Variants in HMX2 observed in about 807,000 individuals in gnomAD.
The protein encoded by HMX2 is homeobox protein HMX2.
A neutral mutation model predicts 21.2 loss-of-function variants in HMX2; 15 were observed. The observed-to-expected ratio is 0.71, with a 90% CI of 0.47 to 1.09. HMX2 has a LOEUF of 1.09. HMX2 is among the 50% of genes least tolerant of loss of function. The pLI is 0.00. For synonymous variants in HMX2, 193 were observed against 181.0 expected (o/e 1.07, Z -0.53); for missense variants, 440 against 381.5 (o/e 1.15, Z -1.28).
rs1844231749 is a variant in HMX2 at position 123,148,750 on chromosome 10, C to A, written c.268+104C>A. 5 of 1,428,486 alleles carry A rather than the reference C, an allele frequency of 3.5e-6. No homozygotes were observed. In the South Asian group the frequency reaches 4.2e-5, roughly 12 times the overall value. 88.5% of individuals were successfully genotyped at this position (1,428,486 alleles called of 1,614,324 possible). ...GCCGGGCCCCCTCTGGCCAGAGCTG[C>A]GGCAGCCGGGGGTTCGGGACCGCGG... On this transcript the variant is annotated intron_variant, in intron 1 of 1. Coordinates refer to ENST00000339992, the MANE Select transcript of HMX2 (RefSeq NM_005519.2).
Position 123,148,314 on chromosome 10 carries a change from C to T in HMX2, c.-65C>T, listed in dbSNP as rs1589683343. 8.9e-6 allele frequency: 14 copies of T among 1,571,150 alleles called. No homozygotes were observed. The highest frequency in any genetic ancestry group is 1.2e-5 in the Non-Finnish European group (14 of 1,147,946). On this transcript the variant is annotated 5_prime_UTR_variant, in exon 1 of 2. Coordinates refer to ENST00000339992, the MANE Select transcript of HMX2 (RefSeq NM_005519.2). ...TGCCTGCCTGCTGCACCACCTTCCACCCAGATCACCCAGATCGTCTCTAAA... is the reference window on the plus strand; with the variant it reads ...TGCCTGCCTGCTGCACCACCTTCCATCCAGATCACCCAGATCGTCTCTAAA...
Position 123,148,618 on chromosome 10 carries a change from C to T in HMX2, c.240C>T (p.His80=), listed in dbSNP as rs1296830848. The T allele has an allele frequency of 6.2e-7, 1 of 1,610,726 alleles. No homozygotes were observed. The highest frequency in any genetic ancestry group is 8.5e-7 in the Non-Finnish European group (1 of 1,178,810). The change falls in exon 1 of 2, where the codon CAC becomes CAT. Residue 80 remains histidine, a synonymous_variant. Coordinates refer to ENST00000339992, the MANE Select transcript of HMX2 (RefSeq NM_005519.2). ...QHGPKEQGPK[H]HPPIPFPCLG... is the part of the protein sequence containing the mutation. Reference sequence around the variant, plus strand: ...GCCCTAAGGAGCAGGGCCCCAAGCACCATCCCCCCATCCCTTTTCCTTGCC... The same window carrying T: ...GCCCTAAGGAGCAGGGCCCCAAGCATCATCCCCCCATCCCTTTTCCTTGCC...
At position 123,148,662 on chromosome 10, in the gene HMX2, C is replaced by T. The variant is rs777744764; in HGVS notation, c.268+16C>T. On this transcript the variant is annotated intron_variant, in intron 1 of 1. Coordinates refer to ENST00000339992, the MANE Select transcript of HMX2 (RefSeq NM_005519.2). ...CCTTGCCTGGGTAAGGATCGCACGT[C>T]GCCAGTGTGGCAGCGAGCGAGCGCG... The T allele has an allele frequency of 1.3e-6, 2 of 1,599,936 alleles. No homozygotes were observed. Among genetic ancestry groups the T allele is most frequent in the Admixed American group, 1.8e-5 (1 of 56,790 alleles).
chr10:123,150,390 G>C lies in HMX2; in HGVS notation c.*267G>C, dbSNP rs1311513097. 3.1e-6 allele frequency: 1 copy of C among 321,272 alleles called. No homozygotes were observed. The highest frequency in any genetic ancestry group is 5.7e-6 in the Non-Finnish European group (1 of 176,524). The allele number at this position is 321,272 out of a possible 1,614,324, so 19.9% of individuals were successfully genotyped here. ...AAACCATTCGGAGTGAGATGTTCTC[G>C]GGTGGTGGTGGGAAAGGGAGTTTTG... On this transcript the variant is annotated 3_prime_UTR_variant, in exon 2 of 2. Coordinates refer to ENST00000339992, the MANE Select transcript of HMX2 (RefSeq NM_005519.2). This position sits in a 1 kb window ranked among gnomAD's most constrained non-coding sequence, Gnocchi z 4.2.
chr10:123,149,581 G>C lies in HMX2; in HGVS notation c.280G>C (p.Gly94Arg). The change falls in exon 2 of 2, where the codon GGC (glycine) becomes CGC (arginine). Residue 94 changes from glycine to arginine, a missense_variant. Transcript: ENST00000339992. The surrounding 1 kb of genome is among the most constrained non-coding windows in gnomAD (Gnocchi z 5.4). ...IPFPCLGTPK[G>R]SGGSGPGGLE... ...TTCTCGCTCCTCAGGTACCCCCAAG[G>C]GCAGCGGAGGCTCGGGCCCGGGCGG... The C allele has an allele frequency of 6.9e-7, 1 of 1,454,948 alleles. No individual in the cohort carries two copies. 90.1% of individuals were successfully genotyped at this position (1,454,948 alleles called of 1,614,324 possible). A position where few individuals can be genotyped will look rare whatever the true frequency, so the allele number is the denominator to read the frequency against.
At position 123,149,900 on chromosome 10, in the gene HMX2, G is replaced by T. The variant is rs1392622657; in HGVS notation, c.599G>T (p.Arg200Leu). The change falls in exon 2 of 2, where the codon CGC becomes CTC. Residue 200 changes from arginine to leucine, a missense_variant. Physicochemically the swap from Arg to Leu is moderately radical, Grantham distance 102 (BLOSUM62 -2). Coordinates refer to ENST00000339992, the MANE Select transcript of HMX2 (RefSeq NM_005519.2). The surrounding 1 kb of genome is among the most constrained non-coding windows in gnomAD (Gnocchi z 5.4). ...ETQVKTWFQN[R>L]RNKWKRQLSA... is the part of the protein sequence containing the mutation. ...CAGGTAAAGACTTGGTTCCAGAACC[G>T]CCGCAACAAGTGGAAGCGGCAGCTC... 1.9e-6 allele frequency: 3 copies of T among 1,612,816 alleles called. No homozygotes were observed. In the Admixed American group the frequency reaches 5.0e-5, roughly 27 times the overall value.
At position 123,149,321 on chromosome 10, in the gene HMX2, G is replaced by A. The variant is rs1362324292; in HGVS notation, c.269-249G>A. ...CCCCTCCAGACCTCCTCTCCCTGTT[G>A]CCCCTGGCCCATTCATAAAGGTGGG... On this transcript the variant is annotated intron_variant, in intron 1 of 1. Transcript: ENST00000339992. The surrounding 1 kb of genome is among the most constrained non-coding windows in gnomAD (Gnocchi z 5.4). Among the ~76,000 whole-genome samples the A allele has an allele frequency of 6.6e-6, 1 of 152,134 alleles. No individual in the cohort carries two copies. The highest frequency in any genetic ancestry group is 6.5e-5 in the Admixed American group (1 of 15,282).
rs749145470 is a variant in HMX2 at position 123,148,587 on chromosome 10, A to G, written c.209A>G (p.Gln70Arg). ...GCGCCCGCCTGCTTCTGCCCAGACCAGCACGGCCCTAAGGAGCAGGGCCCC... is the reference window on the plus strand; with the variant it reads ...GCGCCCGCCTGCTTCTGCCCAGACCGGCACGGCCCTAAGGAGCAGGGCCCC... Reference protein sequence around the residue: ...WKAPACFCPDQHGPKEQGPKH... With the variant: ...WKAPACFCPDRHGPKEQGPKH... The change falls in exon 1 of 2, where the codon CAG (glutamine) becomes CGG (arginine). Residue 70 changes from glutamine to arginine, a missense_variant. Transcript: ENST00000339992. The G allele has an allele frequency of 6.2e-7, 1 of 1,613,366 alleles. No individual in the cohort carries two copies. Among genetic ancestry groups the G allele is most frequent in the Non-Finnish European group, 8.5e-7 (1 of 1,179,822 alleles).
In HMX2 at chr10:123,149,684, C is replaced by A. The variant is rs369429509; in HGVS notation, c.383C>A (p.Ser128Ter). 23 of 1,564,750 alleles carry A rather than the reference C, an allele frequency of 1.5e-5. No homozygotes were observed. The highest frequency in any genetic ancestry group is 2.4e-5 in the East Asian group (1 of 41,354). Residue 128 changes from serine to a stop codon, truncating the protein, a stop_gained, in exon 2 of 2, where the codon TCG becomes TAG. Coordinates refer to ENST00000339992, the MANE Select transcript of HMX2 (RefSeq NM_005519.2). LOFTEE classifies it high-confidence loss of function. This position sits in a 1 kb window ranked among gnomAD's most constrained non-coding sequence, Gnocchi z 5.4. ...AAAGAGAGGCTCCTGCCCGCGGGCT[C>A]GCCCTCGCCGGGGTCCGAGCGGCCG... is the stretch of plus-strand genomic sequence containing the variant. ...EEKERLLPAG[S>*]PSPGSERPRD...
In HMX2 at chr10:123,150,236, C is replaced by T. The variant is rs1240658717; in HGVS notation, c.*113C>T. 6 of 850,156 alleles carry T rather than the reference C, an allele frequency of 7.1e-6. No homozygotes were observed. Among genetic ancestry groups the T allele is most frequent in the Non-Finnish European group, 1.1e-5 (6 of 566,304 alleles). 52.7% of individuals were successfully genotyped at this position (850,156 alleles called of 1,614,324 possible). On this transcript the variant is annotated 3_prime_UTR_variant, in exon 2 of 2. Transcript: ENST00000339992. This position sits in a 1 kb window ranked among gnomAD's most constrained non-coding sequence, Gnocchi z 4.2. ...GTTTCCAGAAATATGAAGAAATACA[C>T]CATGTGTATTCATTAGCTCTTATTT...
rs1236541708 is a variant in HMX2, at chr10:123,148,598, A to G, written c.220A>G (p.Lys74Glu). 6.2e-7 allele frequency: 1 copy of G among 1,613,146 alleles called. No individual in the cohort carries two copies. Among genetic ancestry groups the G allele is most frequent in the Non-Finnish European group, 8.5e-7 (1 of 1,179,656 alleles). The change falls in exon 1 of 2, where the codon AAG becomes GAG. Residue 74 changes from lysine (K) to glutamate (E), a missense_variant. Lys to Glu is a moderately conservative substitution (Grantham distance 56, BLOSUM62 1). Coordinates refer to ENST00000339992, the MANE Select transcript of HMX2 (RefSeq NM_005519.2). The part of the protein sequence containing the change: ...ACFCPDQHGP[K>E]EQGPKHHPPI... ...CTTCTGCCCAGACCAGCACGGCCCT[A>G]AGGAGCAGGGCCCCAAGCACCATCC...
At chr10:123,148,705 C>G (rs1396009495) in intron 1 of HMX2, 59 bp downstream of exon 1, 2 of 1,566,996 alleles carry the variant, frequency 1.3e-6, no homozygotes, top group South Asian at 1.2e-5. Context: ...GGAGGCTGAG[C>G]GCCCCGCCAA....
In HMX2 at chr10:123,150,654, AT is replaced by A. The variant is rs898971763; in HGVS notation, c.*532del. 2.0e-5 allele frequency: 3 copies of A among 152,258 alleles called. No individual in the cohort carries two copies. The highest frequency in any genetic ancestry group is 4.8e-5 in the African/African-American group (2 of 41,452). 9.4% of individuals were successfully genotyped at this position (152,258 alleles called of 1,614,324 possible). On this transcript the variant is annotated 3_prime_UTR_variant, in exon 2 of 2. Transcript: ENST00000339992. This position sits in a 1 kb window ranked among gnomAD's most constrained non-coding sequence, Gnocchi z 4.2. ...TAAATATTTTTAAAAAGAAAAAAAA[AT>A]AAAACATTTTAAACATCTTTGCTAA...
At position 123,148,659 on chromosome 10, in the gene HMX2, C is replaced by A; in HGVS notation, c.268+13C>A. ...TTTCCTTGCCTGGGTAAGGATCGCA[C>A]GTCGCCAGTGTGGCAGCGAGCGAGC... On this transcript the variant is annotated intron_variant, in intron 1 of 1. Coordinates refer to ENST00000339992, the MANE Select transcript of HMX2 (RefSeq NM_005519.2). 2.5e-6 allele frequency: 4 copies of A among 1,602,988 alleles called. No individual in the cohort carries two copies. The highest frequency in any genetic ancestry group is 3.4e-6 in the Non-Finnish European group (4 of 1,176,370).
In HMX2 at chr10:123,150,056, T is replaced by C; in HGVS notation, c.755T>C (p.Leu252Pro). ...VPRSLAFPAPLYYPGSNLSAL... is the reference protein window; with the variant it reads ...VPRSLAFPAPPYYPGSNLSAL... Reference sequence around the variant, plus strand: ...CGCTCGCTCGCCTTTCCCGCGCCGCTCTACTACCCGGGAAGCAACCTCTCG... The same window carrying C: ...CGCTCGCTCGCCTTTCCCGCGCCGCCCTACTACCCGGGAAGCAACCTCTCG... Residue 252 changes from leucine to proline, a missense_variant, in exon 2 of 2, where the codon CTC (leucine) becomes CCC (proline). Transcript: ENST00000339992. The surrounding 1 kb of genome is among the most constrained non-coding windows in gnomAD (Gnocchi z 4.2). 1 of 1,602,586 alleles carries C rather than the reference T, an allele frequency of 6.2e-7. No homozygotes were observed. The highest frequency in any genetic ancestry group is 8.5e-7 in the Non-Finnish European group (1 of 1,177,686).
At position 123,148,607 on chromosome 10, in the gene HMX2, G is replaced by A; in HGVS notation, c.229G>A (p.Gly77Ser). 1.2e-6 allele frequency: 2 copies of A among 1,612,820 alleles called. No individual in the cohort carries two copies. The highest frequency in any genetic ancestry group is 1.7e-6 in the Non-Finnish European group (2 of 1,179,530). Residue 77 changes from glycine to serine, a missense_variant, in exon 1 of 2, where the codon GGC becomes AGC. Coordinates refer to ENST00000339992, the MANE Select transcript of HMX2 (RefSeq NM_005519.2). The stretch of plus-strand genomic sequence containing the variant: ...AGACCAGCACGGCCCTAAGGAGCAG[G>A]GCCCCAAGCACCATCCCCCCATCCC... ...CPDQHGPKEQ[G>S]PKHHPPIPFP...
chr10:123,149,711 G>A lies in HMX2; in HGVS notation c.410G>A (p.Arg137Gln). The change falls in exon 2 of 2, where the codon CGG becomes CAG. Residue 137 changes from arginine (R) to glutamine (Q), a missense_variant. By Grantham distance (43) the Arg-to-Gln change is conservative (BLOSUM62 1). Transcript: ENST00000339992. The surrounding 1 kb of genome is among the most constrained non-coding windows in gnomAD (Gnocchi z 5.4). ...GSPSPGSERPRDGGAERQAGA... is the reference protein window; with the variant it reads ...GSPSPGSERPQDGGAERQAGA... ...CCCTCGCCGGGGTCCGAGCGGCCGC[G>A]GGACGGCGGCGCTGAGCGGCAGGCC... 2 of 1,557,884 alleles carry A rather than the reference G, an allele frequency of 1.3e-6. No homozygotes were observed.
Position 123,149,718 on chromosome 10 carries a change from C to T in HMX2, c.417C>T (p.Gly139=). 1 of 1,542,108 alleles carries T rather than the reference C, an allele frequency of 6.5e-7. No individual in the cohort carries two copies. Among genetic ancestry groups the T allele is most frequent in the Non-Finnish European group, 8.7e-7 (1 of 1,149,660 alleles). Residue 139 remains glycine, a synonymous_variant, in exon 2 of 2, where the codon GGC becomes GGT. Transcript: ENST00000339992. This position sits in a 1 kb window ranked among gnomAD's most constrained non-coding sequence, Gnocchi z 5.4. ...CGGGGTCCGAGCGGCCGCGGGACGG[C>T]GGCGCTGAGCGGCAGGCCGGCGCGG... ...PSPGSERPRD[G]GAERQAGAAK...
At position 123,149,663 on chromosome 10, in the gene HMX2, A is replaced by G. The variant is rs942023654; in HGVS notation, c.362A>G (p.Glu121Gly). ...CACTCGGACTTTAAAGAAGAGAAAGAGAGGCTCCTGCCCGCGGGCTCGCCC... is the reference window on the plus strand; with the variant it reads ...CACTCGGACTTTAAAGAAGAGAAAGGGAGGCTCCTGCCCGCGGGCTCGCCC... ...PSHSDFKEEKERLLPAGSPSP... is the reference protein window; with the variant it reads ...PSHSDFKEEKGRLLPAGSPSP... The change falls in exon 2 of 2, where the codon GAG (glutamate) becomes GGG (glycine). Residue 121 changes from glutamate to glycine, a missense_variant. Transcript: ENST00000339992. The surrounding 1 kb of genome is among the most constrained non-coding windows in gnomAD (Gnocchi z 5.4). 1.9e-6 allele frequency: 3 copies of G among 1,561,700 alleles called. No individual in the cohort carries two copies. The highest frequency in any genetic ancestry group is 2.9e-5 in the African/African-American group (2 of 70,022).
Sources: gnomAD v4.1 joint callset for allele counts (sites outside exome capture counted in the v4.1 genomes callset) on GRCh38, gnomAD v4.1.1 for gene constraint, Gnocchi (gnomAD v3.1) non-coding constraint, MANE v1.5 for transcripts, NCBI Gene and HGNC (gene_info 2026-07-23, HGNC 2026-07-21) for gene names.